FAM149B1: variants seen among roughly 807,000 people sequenced by gnomAD.
FAM149B1 encodes family with sequence similarity 149 member B1, also known as primary cilium assembly protein FAM149B1.
Under a neutral mutation model 75.3 loss-of-function variants are expected in FAM149B1, and 56 were observed. That is an observed-to-expected ratio of 0.74 (90% CI 0.60 to 0.93). FAM149B1 has a LOEUF of 0.93. FAM149B1 is among the 40% of genes least tolerant of loss of function. The pLI is 0.00. For synonymous variants in FAM149B1, 259 were observed against 256.1 expected, an observed-to-expected ratio of 1.01 and a Z score of -0.11; for missense variants, 639 against 708.4, an observed-to-expected ratio of 0.90 and a Z score of 1.11.
chr10:73,211,550 C>T (rs984369043), intron 7 of FAM149B1, among the ~76,000 whole-genome samples: 2 of 152,132 alleles, frequency 1.3e-5, no homozygotes, highest in Non-Finnish European at 2.9e-5. Flanking sequence ...CATAGTGGGT[C>T]TGACTTATGT....
rs1315796700 is a variant in FAM149B1, at chr10:73,168,375, G to A, written c.36G>A (p.Gln12=). ...GATACACTCGGAAGGCGGTGCCACA[G>A]AGCTTGGAGCTGTGAGTGGACTGCT... ...ISRYTRKAVP[Q]SLELKGITKH... The change falls in exon 1 of 14, where the codon CAG becomes CAA. Residue 12 remains glutamine (Q), a synonymous_variant. Coordinates refer to ENST00000242505, the MANE Select transcript of FAM149B1 (RefSeq NM_173348.2). 5.8e-6 allele frequency: 9 copies of A among 1,549,938 alleles called. No homozygotes were observed. The highest frequency in any genetic ancestry group is 7.8e-6 in the Non-Finnish European group (9 of 1,146,840).
chr10:73,232,837 C>G lies in FAM149B1; in HGVS notation c.1128-102C>G, dbSNP rs1009888808. 1.9e-5 allele frequency: 13 copies of G among 688,562 alleles called. No individual in the cohort carries two copies. In the East Asian group the frequency reaches 3.3e-4, roughly 17 times the overall value. 42.7% of individuals were successfully genotyped at this position (688,562 alleles called of 1,614,324 possible). On this transcript the variant is annotated intron_variant, in intron 9 of 13. Transcript: ENST00000242505. ...AGGTTTTTATTTTTGCTTTATTTCCCCCTAAATGTAGTTTCTAGTCTAAGG... is the reference window on the plus strand; with the variant it reads ...AGGTTTTTATTTTTGCTTTATTTCCGCCTAAATGTAGTTTCTAGTCTAAGG...
At chr10:73,224,403 G>C (rs1256506431) in intron 7 of FAM149B1, among the ~76,000 whole-genome samples, 1 of 151,198 alleles carries the variant, frequency 6.6e-6, no homozygotes, top group Non-Finnish European at 1.5e-5. Context: ...TCCATCAACA[G>C]TAGAATGTGA....
At position 73,234,876 on chromosome 10, in the gene FAM149B1, T is replaced by C; in HGVS notation, c.1412T>C (p.Leu471Pro). ...PSPTPLSRNN[L>P]LPPIGTAEVE... ...CCGACGCCCCTGAGTCGAAATAATC[T>C]GCTACCACCTATTGGCACAGCTGAA... The change falls in exon 11 of 14, where the codon CTG (leucine) becomes CCG (proline). Residue 471 changes from leucine (L) to proline (P), a missense_variant. Coordinates refer to ENST00000242505, the MANE Select transcript of FAM149B1 (RefSeq NM_173348.2). 1 of 1,551,888 alleles carries C rather than the reference T, an allele frequency of 6.4e-7. No individual in the cohort carries two copies. The highest frequency in any genetic ancestry group is 1.2e-5 in the South Asian group (1 of 84,064).
intron 5 of FAM149B1, chr10:73,200,382 T>C (rs2042904539): frequency 3.7e-6 from 2 of 543,424 alleles, no homozygotes; most frequent in South Asian, 3.4e-5. Flanking sequence ...ATTCTGGCAC[T>C]TGGAGATTAT....
At chr10:73,176,796 G>C (rs1197204180) in intron 2 of FAM149B1, among the ~76,000 whole-genome samples, 1 of 152,150 alleles carries the variant, frequency 6.6e-6, no homozygotes, top group Non-Finnish European at 1.5e-5. Context: ...GGAGGCCGAT[G>C]TAGGCGGATC....
Position 73,174,691 on chromosome 10 carries a change from G to A in FAM149B1, c.52G>A (p.Gly18Arg). 6.5e-7 allele frequency: 1 copy of A among 1,546,172 alleles called. No homozygotes were observed. The highest frequency in any genetic ancestry group is 1.2e-5 in the South Asian group (1 of 83,894). ...ACTTTGTTTTGTCTTTCACAGGAAA[G>A]GAATAACAAAACATGCTCTTAACCA... The part of the protein sequence containing the change: ...KAVPQSLELK[G>R]ITKHALNHHP... The change falls in exon 2 of 14, where the codon GGA (glycine) becomes AGA (arginine). Residue 18 changes from glycine (G) to arginine (R), a missense_variant. Coordinates refer to ENST00000242505, the MANE Select transcript of FAM149B1 (RefSeq NM_173348.2).
At chr10:73,239,466 T>G in intron 13 of FAM149B1, 82 bp downstream of exon 13, 1 of 978,168 alleles carries the variant, frequency 1.0e-6, no homozygotes, top group South Asian at 1.6e-5. Flanking sequence ...TACACCTATT[T>G]CCCCTTCTTT....
chr10:73,177,935 T>C lies in FAM149B1; in HGVS notation c.242T>C (p.Ile81Thr). The C allele has an allele frequency of 6.4e-7, 1 of 1,551,686 alleles. No individual in the cohort carries two copies. Among genetic ancestry groups the C allele is most frequent in the Non-Finnish European group, 8.7e-7 (1 of 1,146,956 alleles). The change falls in exon 3 of 14, where the codon ATA becomes ACA. Residue 81 changes from isoleucine to threonine, a missense_variant. Ile to Thr is a moderately conservative substitution (Grantham distance 89). Transcript: ENST00000242505. Reference sequence around the variant, plus strand: ...TTTCCAAGTTATACAGGCGCAGGGATATCTACTGAAGGAAGCTCGGACTTC... The same window carrying C: ...TTTCCAAGTTATACAGGCGCAGGGACATCTACTGAAGGAAGCTCGGACTTC... ...SAFPSYTGAGISTEGSSDFSW... is the reference protein window; with the variant it reads ...SAFPSYTGAGTSTEGSSDFSW...
Position 73,188,348 on chromosome 10 carries a change from A to G in FAM149B1, c.283-4208A>G, listed in dbSNP as rs947700301. On this transcript the variant is annotated intron_variant, in intron 3 of 13. Coordinates refer to ENST00000242505, the MANE Select transcript of FAM149B1 (RefSeq NM_173348.2). ...GAATTATAAACTTAAATATAAGAGC[A>G]AAAACTATAAATCCCTTAGAAGAAA... Among the ~76,000 whole-genome samples, 11 of 152,330 alleles carry G rather than the reference A, an allele frequency of 7.2e-5. No homozygotes were observed. The East Asian group carries it at 9.6e-4, about 13-fold the overall frequency.
chr10:73,187,836 A>T (rs1354246120), intron 3 of FAM149B1, among the ~76,000 whole-genome samples: 1 of 152,044 alleles, frequency 6.6e-6, no homozygotes, highest in Non-Finnish European at 1.5e-5. Flanking sequence ...TAATCCCAGC[A>T]CTTTGGAAAG....
At chr10:73,204,247 C>T (rs2042999607) in intron 5 of FAM149B1, among the ~76,000 whole-genome samples, 1 of 152,146 alleles carries the variant, frequency 6.6e-6, no homozygotes, top group Admixed American at 6.5e-5. Context: ...GTCTCAGCCT[C>T]CCAGGTAGCT....
chr10:73,222,305 A>G (rs1449317112), intron 7 of FAM149B1, among the ~76,000 whole-genome samples: 2 of 152,162 alleles, frequency 1.3e-5, no homozygotes, highest in Non-Finnish European at 2.9e-5. Context: ...TTACCCACCT[A>G]TGGAGGCAAG....
At chr10:73,188,770 GA>G (rs1365723411) in intron 3 of FAM149B1, among the ~76,000 whole-genome samples, 113 of 119,180 alleles carry the variant, frequency 9.5e-4, no homozygotes, top group East Asian at 8.3e-3. Flanking sequence ...AGGAAGGAAG[GA>G]AGGAAGGAAG....
intron 7 of FAM149B1, among the ~76,000 whole-genome samples, chr10:73,223,162 A>C (rs1402297532): frequency 6.6e-6 from 1 of 152,166 alleles, no homozygotes; most frequent in East Asian, 1.9e-4. Context: ...CACCCAGATC[A>C]AGAATATTGC....
Position 73,241,078 on chromosome 10 carries a change from C to A in FAM149B1, c.*59C>A. On this transcript the variant is annotated 3_prime_UTR_variant, in exon 14 of 14. Coordinates refer to ENST00000242505, the MANE Select transcript of FAM149B1 (RefSeq NM_173348.2). ...ACACGAGATTTCATGAAGCAGTATT[C>A]AGTCATCAAGTGATGCAGAGCTTGT... is the stretch of plus-strand genomic sequence containing the variant. 3 of 970,964 alleles carry A rather than the reference C, an allele frequency of 3.1e-6. No individual in the cohort carries two copies. The highest frequency in any genetic ancestry group is 2.8e-5 in the South Asian group (2 of 72,088). The allele number at this position is 970,964 out of a possible 1,614,324, so 60.1% of individuals were successfully genotyped here.
Position 73,243,462 on chromosome 10 carries a change from T to C in FAM149B1, c.*2443T>C, listed in dbSNP as rs2043975973. 2 of 1,614,084 alleles carry C rather than the reference T, an allele frequency of 1.2e-6. No individual in the cohort carries two copies. Among genetic ancestry groups the C allele is most frequent in the Non-Finnish European group, 1.7e-6 (2 of 1,179,944 alleles). On this transcript the variant is annotated 3_prime_UTR_variant, in exon 14 of 14. Transcript: ENST00000242505. Reference sequence around the variant, plus strand: ...CCTCCTTTGGAAGATTTGCAGTACTTTGCTTCCATCTGAGCCAGAAAATTG... The same window carrying C: ...CCTCCTTTGGAAGATTTGCAGTACTCTGCTTCCATCTGAGCCAGAAAATTG...
In FAM149B1 at chr10:73,189,183, T is replaced by C. The variant is rs1308669080; in HGVS notation, c.283-3373T>C. On this transcript the variant is annotated intron_variant, in intron 3 of 13. Coordinates refer to ENST00000242505, the MANE Select transcript of FAM149B1 (RefSeq NM_173348.2). Reference sequence around the variant, plus strand: ...TATAGAGAAAATGCAAATTGAAAACTGGGAAGATAACACCACTCCACATTT... The same window carrying C: ...TATAGAGAAAATGCAAATTGAAAACCGGGAAGATAACACCACTCCACATTT... Among the ~76,000 whole-genome samples the C allele has an allele frequency of 5.9e-5, 9 of 152,132 alleles. No individual in the cohort carries two copies. The East Asian group carries it at 1.7e-3, about 29-fold the overall frequency.
intron 7 of FAM149B1, among the ~76,000 whole-genome samples, chr10:73,221,341 A>T (rs2043409804): frequency 6.6e-6 from 1 of 151,804 alleles, no homozygotes; most frequent in Non-Finnish European, 1.5e-5. Context: ...TATTTCTTGT[A>T]TGTGGGTCTG....
Sources: allele counts gnomAD v4.1 joint callset (sites outside exome capture counted in the v4.1 genomes callset), GRCh38; gene constraint gnomAD v4.1.1; transcripts MANE v1.5; gene names NCBI Gene and HGNC (gene_info 2026-07-23, HGNC 2026-07-21).